The following EFHD1 variants were observed in gnomAD, a reference collection of about 807,000 sequenced individuals.
EFHD1 encodes the protein EF-hand domain-containing protein D1.
Under a neutral mutation model 17.2 loss-of-function variants are expected in EFHD1, and 10 were observed. The ratio of observed to expected loss-of-function variants is 0.58; its 90% CI spans 0.36 to 0.99. The LOEUF (loss-of-function observed/expected upper bound fraction) is 0.99, where lower values mean the gene tolerates loss of function less well. EFHD1 is among the 50% of genes least tolerant of loss of function. The probability of loss-of-function intolerance (pLI) is 0.01; values close to 1 mark genes in which losing one functional copy is unlikely to be tolerated. For missense variants in EFHD1, 310 were observed against 327.5 expected (o/e 0.95, Z 0.41); for synonymous variants, 153 against 142.0 (o/e 1.08, Z -0.55).
At chr2:232,645,967 C>G (rs1029870595) in intron 1 of EFHD1, among the ~76,000 whole-genome samples, 1 of 152,222 alleles carries the variant, frequency 6.6e-6, no homozygotes, top group Non-Finnish European at 1.5e-5. Context: ...ATCCTCGACA[C>G]CATCCCCTGC....
upstream of EFHD1, among the ~76,000 whole-genome samples, chr2:232,631,227 T>TA (rs936068266): frequency 1.1e-4 from 16 of 149,458 alleles, no homozygotes; most frequent in South Asian, 4.3e-4. Flanking sequence ...AACTCCGTCT[T>TA]AAAAAAAAAA....
chr2:232,669,088 A>C (rs1044702651), intron 2 of EFHD1, among the ~76,000 whole-genome samples: 5 of 152,142 alleles, frequency 3.3e-5, no homozygotes, highest in Non-Finnish European at 5.9e-5. Flanking sequence ...CCAGTATGTC[A>C]GTCCCTCTCT....
In EFHD1 at chr2:232,633,911, T is replaced by G; in HGVS notation, c.207T>G (p.Ala69=). 1.3e-6 allele frequency: 2 copies of G among 1,583,624 alleles called. No homozygotes were observed. Among genetic ancestry groups the G allele is most frequent in the African/African-American group, 1.4e-5 (1 of 73,110 alleles). ...LSRRLDINEG[A]ARPRRCRVFN... is the part of the protein sequence containing the mutation. ...GGCGGCTGGACATCAACGAGGGCGC[T>G]GCGCGGCCCCGGCGCTGCAGGGTCT... Residue 69 remains alanine, a synonymous_variant, in exon 1 of 4, where the codon GCT becomes GCG. Coordinates refer to ENST00000264059, the MANE Select transcript of EFHD1 (RefSeq NM_025202.4).
chr2:232,668,991 G>C (rs964050574), intron 2 of EFHD1, among the ~76,000 whole-genome samples: 1 of 152,158 alleles, frequency 6.6e-6, no homozygotes, highest in Admixed American at 6.6e-5. Context: ...TGGCCTGGTG[G>C]GGCTGCCTGT....
At chr2:232,671,052 T>C (rs532719541) in intron 2 of EFHD1, among the ~76,000 whole-genome samples, 1 of 152,344 alleles carries the variant, frequency 6.6e-6, no homozygotes, top group African/African-American at 2.4e-5. Context: ...TTTAAACCAT[T>C]GTAGGAATGT....
intron 1 of EFHD1, among the ~76,000 whole-genome samples, chr2:232,628,252 G>A (rs762583440): frequency 5.3e-5 from 8 of 152,034 alleles, no homozygotes; most frequent in Non-Finnish European, 8.8e-5. Context: ...GTAGAGACGG[G>A]GTTTCACCGT....
chr2:232,672,055 C>CAA (rs199541838), intron 2 of EFHD1, among the ~76,000 whole-genome samples: 6 of 108,942 alleles, frequency 5.5e-5, no homozygotes, highest in African/African-American at 1.3e-4. Context: ...GACTCTGCCT[C>CAA]AAAAAAAAAA....
intron 1 of EFHD1, among the ~76,000 whole-genome samples, chr2:232,623,459 A>C (rs918403202): frequency 1.3e-5 from 2 of 151,630 alleles, no homozygotes; most frequent in Non-Finnish European, 2.9e-5. Flanking sequence ...GGATCACCTG[A>C]AGCCAGGAGT....
chr2:232,640,853 T>A (rs545017712), intron 1 of EFHD1, among the ~76,000 whole-genome samples: 1 of 152,208 alleles, frequency 6.6e-6, no homozygotes, highest in African/African-American at 2.4e-5. Flanking sequence ...GTGAAGGGAT[T>A]CAGGCCCTGG....
In EFHD1 at chr2:232,608,541, C is replaced by A. The variant is rs1288323786; in HGVS notation, c.14+2368C>A. On this transcript the variant is annotated intron_variant, in intron 1 of 3. Coordinates refer to the EFHD1 transcript ENST00000409613. The stretch of plus-strand genomic sequence containing the variant: ...ATATTTTTTCCTGAATATTTTTGAT[C>A]TATGGTTGGTTGAATCCCATGGGAA... 9.9e-5 allele frequency among the ~76,000 whole-genome samples: 15 copies of A among 151,848 alleles called. 1 individual carries two copies. Among genetic ancestry groups the A allele is most frequent in the Non-Finnish European group, 7.4e-5 (5 of 67,960 alleles).
chr2:232,637,833 A>G (rs1170141710), intron 1 of EFHD1, among the ~76,000 whole-genome samples: 1 of 152,128 alleles, frequency 6.6e-6, no homozygotes, highest in Non-Finnish European at 1.5e-5. Context: ...TTCCTATTTA[A>G]AAGTATTTGG....
chr2:232,662,170 T>C (rs1161107051), intron 1 of EFHD1, among the ~76,000 whole-genome samples: 2 of 151,852 alleles, frequency 1.3e-5, no homozygotes, highest in Non-Finnish European at 2.9e-5. Flanking sequence ...GGGGGGCCAG[T>C]CAGCAGAGGG....
rs565714245 is a variant in EFHD1, at chr2:232,676,494, A to G, written c.585+4051A>G. 4.6e-5 allele frequency among the ~76,000 whole-genome samples: 7 copies of G among 152,262 alleles called. No individual in the cohort carries two copies. In the East Asian group the frequency reaches 1.4e-3, roughly 29 times the overall value. ...GGTCATGGAGTAATTTCTTCCACAC[A>G]TGCCCAATTCTGAACCTGCCATTGG... On this transcript the variant is annotated intron_variant, in intron 3 of 3. Coordinates refer to ENST00000264059, the MANE Select transcript of EFHD1 (RefSeq NM_025202.4).
In EFHD1 at chr2:232,609,724, G is replaced by A. The variant is rs552653954; in HGVS notation, c.14+3551G>A. The stretch of plus-strand genomic sequence containing the variant: ...GCCCAGCCCAGGCATCTCCCTTGAT[G>A]CAAGACTCACCCAAGATGAGACGGA... On this transcript the variant is annotated intron_variant, in intron 1 of 3. Coordinates refer to the EFHD1 transcript ENST00000409613. Among the ~76,000 whole-genome samples, 7 of 152,252 alleles carry A rather than the reference G, an allele frequency of 4.6e-5. No individual in the cohort carries two copies. In the South Asian group the frequency reaches 1.0e-3, roughly 23 times the overall value.
At position 232,620,116 on chromosome 2, in the gene EFHD1, C is replaced by T. The variant is rs142143937; in HGVS notation, c.14+13943C>T. Among the ~76,000 whole-genome samples the T allele has an allele frequency of 7.1e-3, 1,067 of 151,050 alleles. 35 individuals carry two copies. Among genetic ancestry groups the T allele is most frequent in the Admixed American group, 0.059 (889 of 15,146 alleles). On this transcript the variant is annotated intron_variant, in intron 1 of 3. Coordinates refer to the EFHD1 transcript ENST00000409613. ...TAAGAGACAGAGTCTCGGCCGGGCG[C>T]GGTGGCTCACGCCTGTAATCCTAGC...
At chr2:232,658,921 T>A (rs1354209267) in intron 1 of EFHD1, among the ~76,000 whole-genome samples, 1 of 152,056 alleles carries the variant, frequency 6.6e-6, no homozygotes, top group South Asian at 2.1e-4. Context: ...AGCTGTTTTT[T>A]AAAAAAAACT....
intron 1 of EFHD1, among the ~76,000 whole-genome samples, chr2:232,636,995 C>T (rs1694330277): frequency 1.3e-5 from 2 of 152,050 alleles, no homozygotes; most frequent in African/African-American, 4.8e-5. Context: ...TTTGCCCTTC[C>T]GGGTTCTGCG....
intron 1 of EFHD1, among the ~76,000 whole-genome samples, chr2:232,659,252 A>T (rs1187869204): frequency 6.6e-6 from 1 of 152,158 alleles, no homozygotes; most frequent in Non-Finnish European, 1.5e-5. Flanking sequence ...GAGCTGCTTG[A>T]GTAAGAAGTA....
intron 1 of EFHD1, among the ~76,000 whole-genome samples, chr2:232,628,271 G>A (rs1694144025): frequency 6.6e-6 from 1 of 152,148 alleles, no homozygotes; most frequent in Non-Finnish European, 1.5e-5. Flanking sequence ...GTGTTGGCCA[G>A]GCTGGTCTTG....
Sources: gnomAD v4.1 joint callset for allele counts (sites outside exome capture counted in the v4.1 genomes callset) on GRCh38, gnomAD v4.1.1 for gene constraint, MANE v1.5 for transcripts, NCBI Gene and HGNC (gene_info 2026-07-23, HGNC 2026-07-21) for gene names.